The following HERC1 variants were observed in gnomAD, a reference collection of about 807,000 sequenced individuals.
HERC1 encodes the protein HECT and RLD domain containing E3 ubiquitin protein ligase family member 1.
In HERC1, 160 loss-of-function variants were observed where a neutral mutation model predicts 554.3. The observed-to-expected ratio is 0.29, with a 90% confidence interval of 0.25 to 0.33. The LOEUF (loss-of-function observed/expected upper bound fraction) is 0.33. Among genes scored for constraint, HERC1 ranks in the 10% least tolerant of loss-of-function variants. HERC1 has a pLI of 1.00. For missense variants in HERC1, 4,919 were observed against 5,918.5 expected (o/e 0.83, Z 5.54); for synonymous variants, 2,175 against 2,131.7 (o/e 1.02, Z -0.56).
At chr15:63,768,470 T>G (rs2075851139) in intron 2 of HERC1, among the ~76,000 whole-genome samples, 1 of 152,234 alleles carries the variant, frequency 6.6e-6, no homozygotes, top group Non-Finnish European at 1.5e-5. Flanking sequence ...AGACATACAA[T>G]GTGTTGCTAC....
chr15:63,667,227 T>C (rs2070689256), intron 40 of HERC1, among the ~76,000 whole-genome samples: 1 of 152,232 alleles, frequency 6.6e-6, no homozygotes, highest in Non-Finnish European at 1.5e-5. Flanking sequence ...GATGGAAATG[T>C]AACTAGAAGT....
chr15:63,646,597 C>T (rs1342515827), intron 55 of HERC1, among the ~76,000 whole-genome samples: 1 of 150,328 alleles, frequency 6.7e-6, no homozygotes, highest in East Asian at 2.0e-4. Context: ...GTCAGGAATT[C>T]GAGACCAGCC....
intron 26 of HERC1, among the ~76,000 whole-genome samples, chr15:63,696,838 G>C (rs972059749): frequency 2.7e-5 from 4 of 150,788 alleles, no homozygotes; most frequent in Admixed American, 1.3e-4. Context: ...AAATACTTCT[G>C]AACTATTTCT....
intron 1 of HERC1, among the ~76,000 whole-genome samples, chr15:63,777,891 C>T (rs964260397): frequency 4.6e-5 from 7 of 152,152 alleles, no homozygotes; most frequent in Admixed American, 3.9e-4. Flanking sequence ...ATTCTACATT[C>T]ATCTGGAAGT....
intron 1 of HERC1, among the ~76,000 whole-genome samples, chr15:63,831,040 T>C (rs1257377478): frequency 6.6e-6 from 1 of 152,240 alleles, no homozygotes; most frequent in African/African-American, 2.4e-5. Context: ...CTGCAATACA[T>C]GCTCACAACA....
chr15:63,742,368 T>C (rs931205438), intron 12 of HERC1, among the ~76,000 whole-genome samples: 2 of 152,232 alleles, frequency 1.3e-5, no homozygotes, highest in African/African-American at 4.8e-5. Flanking sequence ...TTAGCCCTAA[T>C]AGTTGTGTAT....
In HERC1 at chr15:63,803,063, G is replaced by A. The variant is rs574683622; in HGVS notation, c.-26-27414C>T. On this transcript the variant is annotated intron_variant, in intron 1 of 77. Transcript: ENST00000443617. ...CATCTCTACAAAAAATAATTTGGCA[G>A]GCATAGTGGTGCACCCCTATAGTCT... Among the ~76,000 whole-genome samples, 6 of 152,222 alleles carry A rather than the reference G, an allele frequency of 3.9e-5. No homozygotes were observed. In the South Asian group the frequency reaches 1.2e-3, roughly 32 times the overall value.
intron 76 of HERC1, among the ~76,000 whole-genome samples, chr15:63,615,533 C>T (rs1437357976): frequency 6.6e-6 from 1 of 152,206 alleles, no homozygotes; most frequent in Non-Finnish European, 1.5e-5. Flanking sequence ...TCACTTGAAC[C>T]CAGGAGGCAG....
At chr15:63,646,392 T>A (rs558730237) in intron 55 of HERC1, among the ~76,000 whole-genome samples, 2 of 152,012 alleles carry the variant, frequency 1.3e-5, no homozygotes, top group African/African-American at 4.8e-5. Context: ...GACTTATCCA[T>A]GTATATCCAT....
At chr15:63,688,388 G>A (rs1567015091) in intron 33 of HERC1, among the ~76,000 whole-genome samples, 1 of 152,192 alleles carries the variant, frequency 6.6e-6, no homozygotes, top group Non-Finnish European at 1.5e-5. Flanking sequence ...CTGAGTATGA[G>A]ATGCCTATTA....
In HERC1 at chr15:63,734,896, T is replaced by C; in HGVS notation, c.2521-47A>G. On this transcript the variant is annotated intron_variant, in intron 12 of 77. Coordinates refer to ENST00000443617, the MANE Select transcript of HERC1 (RefSeq NM_003922.4). The surrounding 1 kb of genome is among the most constrained non-coding windows in gnomAD (Gnocchi z 4.6). The stretch of plus-strand genomic sequence containing the variant: ...ATACTGATTGGCCTGGTTCTTAGTT[T>C]TTAATAAAAACACACTTAAAGCGAA... 1 of 1,550,342 alleles carries C rather than the reference T, an allele frequency of 6.5e-7. No individual in the cohort carries two copies.
intron 3 of HERC1, among the ~76,000 whole-genome samples, chr15:63,763,700 A>G (rs1331779935): frequency 1.3e-5 from 2 of 152,100 alleles, no homozygotes; most frequent in East Asian, 3.9e-4. Flanking sequence ...GGGAGGAGAA[A>G]AGAGGTTATG....
In HERC1 at chr15:63,756,658, C is replaced by T; in HGVS notation, c.1312G>A (p.Gly438Arg). 6.2e-7 allele frequency: 1 copy of T among 1,613,008 alleles called. No homozygotes were observed. Among genetic ancestry groups the T allele is most frequent in the Non-Finnish European group, 8.5e-7 (1 of 1,179,292 alleles). ...GKGSYGRLGL[G>R]DSNNQSTLKK... is the part of the protein sequence containing the mutation. Reference sequence around the variant, plus strand: ...AAAGTTGACTGATTATTGGAGTCTCCAAGGCCCAGTCTCCCATAGCTGCCT... The same window carrying T: ...AAAGTTGACTGATTATTGGAGTCTCTAAGGCCCAGTCTCCCATAGCTGCCT... The change falls in exon 5 of 78, where the codon GGA (glycine) becomes AGA (arginine). Residue 438 changes from glycine (G) to arginine (R), a missense_variant. This residue lies in a region of HERC1 where 744 missense variants were observed against 1,090.0 expected (regional missense o/e 0.68). Coordinates refer to ENST00000443617, the MANE Select transcript of HERC1 (RefSeq NM_003922.4). The surrounding 1 kb of genome is among the most constrained non-coding windows in gnomAD (Gnocchi z 5.0).
chr15:63,658,312 T>C (rs1363927236), intron 48 of HERC1, among the ~76,000 whole-genome samples: 2 of 152,200 alleles, frequency 1.3e-5, no homozygotes, highest in African/African-American at 4.8e-5. Context: ...CAAAATAAAA[T>C]GTATGCAGTT....
intron 50 of HERC1, among the ~76,000 whole-genome samples, chr15:63,654,782 T>A (rs377454738): frequency 6.6e-6 from 1 of 151,694 alleles, no homozygotes; most frequent in South Asian, 2.1e-4. Context: ...GGCAGGAGAA[T>A]TGCTTCAAGC....
At chr15:63,614,815 C>T (rs2067745562) in intron 76 of HERC1, among the ~76,000 whole-genome samples, 1 of 152,216 alleles carries the variant, frequency 6.6e-6, no homozygotes. Context: ...ACAAGGATAA[C>T]TCAAATGAAA....
intron 12 of HERC1, among the ~76,000 whole-genome samples, chr15:63,735,414 G>A (rs1027205062): frequency 1.7e-5 from 2 of 114,762 alleles, no homozygotes; most frequent in African/African-American, 6.6e-5. Flanking sequence ...GGAGGGGGGA[G>A]GGATAGCATT....
intron 39 of HERC1, 103 bp downstream of exon 39, chr15:63,672,393 T>C: frequency 1.3e-6 from 1 of 765,466 alleles, no homozygotes; most frequent in South Asian, 2.4e-5. Context: ...TTTCTAGCTC[T>C]AGAACACCAA....
Position 63,756,538 on chromosome 15 carries a change from C to G in HERC1, c.1432G>C (p.Glu478Gln), listed in dbSNP as rs376427330. The change falls in exon 5 of 78, where the codon GAA (glutamate) becomes CAA (glutamine). Residue 478 changes from glutamate to glutamine, a missense_variant. Glu to Gln is a conservative substitution (Grantham distance 29). Transcript: ENST00000443617. The surrounding 1 kb of genome is among the most constrained non-coding windows in gnomAD (Gnocchi z 5.0). ...TCACCATCTCCCCAACTGAAGACTT[C>G]TCCTTCTGTCGTAAAGGCTAAAGTG... Reference protein sequence around the residue: ...GHTLAFTTEGEVFSWGDGDYG... With the variant: ...GHTLAFTTEGQVFSWGDGDYG... 1.5e-5 allele frequency: 25 copies of G among 1,613,620 alleles called. No homozygotes were observed. Among genetic ancestry groups the G allele is most frequent in the Non-Finnish European group, 1.6e-5 (19 of 1,179,646 alleles).
Sources: allele counts gnomAD v4.1 joint callset (sites outside exome capture counted in the v4.1 genomes callset), GRCh38; gene constraint gnomAD v4.1.1; regional missense constraint gnomAD v4.1.1; non-coding constraint Gnocchi (gnomAD v3.1); transcripts MANE v1.5; gene names NCBI Gene and HGNC (gene_info 2026-07-23, HGNC 2026-07-21).